Variants in SYCE1 observed in about 807,000 individuals in gnomAD.
SYCE1 encodes the protein synaptonemal complex central element protein 1.
SYCE1 carries 37 observed loss-of-function variants against 55.1 expected under a neutral mutation model. That is an observed-to-expected ratio of 0.67 (90% CI 0.52 to 0.88). The LOEUF (loss-of-function observed/expected upper bound fraction) is 0.88, where lower values mean the gene tolerates loss of function less well. Ranked by LOEUF, SYCE1 falls within the 40% of genes least tolerant of loss-of-function variation. The pLI is 0.00. For missense variants in SYCE1, 399 were observed against 416.4 expected (o/e 0.96, Z 0.36); for synonymous variants, 163 against 159.4 (o/e 1.02, Z -0.17).
chr10:133,557,107 A>G lies in SYCE1; in HGVS notation c.424T>C (p.Leu142=). 6.2e-7 allele frequency: 1 copy of G among 1,614,118 alleles called. No homozygotes were observed. The highest frequency in any genetic ancestry group is 8.5e-7 in the Non-Finnish European group (1 of 1,180,024). The change falls in exon 7 of 13, where the codon TTG becomes CTG. Residue 142 remains leucine (L), a synonymous_variant. Transcript: ENST00000343131. ...ECKERISALN[L]QIEEEKNKQR... ...TTGTTCTTCTCTTCTTCAATCTGCA[A>G]GTTCAGGGCAGAAATTCTCTCCTTG... is the stretch of plus-strand genomic sequence containing the variant.
intron 11 of SYCE1, 25 bp downstream of exon 11, chr10:133,555,572 G>A (rs1851646443): frequency 6.2e-7 from 1 of 1,601,986 alleles, no homozygotes. Flanking sequence ...GGTGGGGGTT[G>A]CGGGGACAGG....
chr10:133,568,126 G>T (rs142856797), upstream of SYCE1: 9 of 794,930 alleles, frequency 1.1e-5, no homozygotes, highest in Non-Finnish European at 4.2e-6. Context: ...CACTGAGGGC[G>T]CCACCCAGCC....
chr10:133,559,275 C>G, intron 3 of SYCE1, 26 bp downstream of exon 3: 2 of 1,613,444 alleles, frequency 1.2e-6, no homozygotes, highest in Non-Finnish European at 1.7e-6. Flanking sequence ...CTGGTCCTAG[C>G]TGGCAGCCAA....
chr10:133,559,780 G>T, intron 2 of SYCE1: 3 of 439,096 alleles, frequency 6.8e-6, no homozygotes, highest in Non-Finnish European at 1.2e-5. Flanking sequence ...AGAGGGAGTA[G>T]CGGGTGAGGG....
chr10:133,556,648 C>T, intron 8 of SYCE1, 111 bp downstream of exon 8: 1 of 1,125,794 alleles, frequency 8.9e-7, no homozygotes, highest in Non-Finnish European at 1.3e-6. Flanking sequence ...TTAGCACCAC[C>T]AGGGCTTGCT....
intron 8 of SYCE1, 179 bp from the exon 9 acceptor site, chr10:133,556,226 T>G (rs575770385): frequency 7.6e-6 from 5 of 654,756 alleles, no homozygotes; most frequent in East Asian, 2.7e-5. Context: ...TCCCTCCCTG[T>G]GCACTTCTGT....
In SYCE1 at chr10:133,555,669, A is replaced by C; in HGVS notation, c.758T>G (p.Leu253Arg). Reference protein sequence around the residue: ...FQEEHRKAEELLAAAAQRHQQ... With the variant: ...FQEEHRKAEERLAAAAQRHQQ... ...GTGGCGCTGGGCAGCAGCTGCTAGG[A>C]GCTCCTCAGCCTTCCTGTGCTCTTC... The change falls in exon 11 of 13, where the codon CTC (leucine) becomes CGC (arginine). Residue 253 changes from leucine (L) to arginine (R), a missense_variant. Coordinates refer to ENST00000343131, the MANE Select transcript of SYCE1 (RefSeq NM_001143764.3). 1.2e-6 allele frequency: 2 copies of C among 1,604,622 alleles called. No homozygotes were observed. The highest frequency in any genetic ancestry group is 1.7e-6 in the Non-Finnish European group (2 of 1,179,944).
chr10:133,557,250 T>C, intron 6 of SYCE1, 94 bp from the exon 7 acceptor site: 1 of 1,012,716 alleles, frequency 9.9e-7, no homozygotes, highest in South Asian at 1.3e-5. Context: ...AGGCTATTTT[T>C]TCCCTCTACA....
At chr10:133,560,995 C>T (rs1851803910) in intron 1 of SYCE1, 1 of 152,176 alleles carries the variant, frequency 6.6e-6, no homozygotes, top group Non-Finnish European at 1.5e-5. Context: ...AACCCCCCTG[C>T]TTCAAGTTGT....
chr10:133,555,346 C>T lies in SYCE1; in HGVS notation c.918+5G>A. The T allele has an allele frequency of 6.2e-7, 1 of 1,613,894 alleles. No homozygotes were observed. Among genetic ancestry groups the T allele is most frequent in the Non-Finnish European group, 8.5e-7 (1 of 1,179,906 alleles). On this transcript the variant is annotated splice_donor_5th_base_variant and intron_variant, in intron 12 of 12. Coordinates refer to ENST00000343131, the MANE Select transcript of SYCE1 (RefSeq NM_001143764.3). ...TGTTCCCTGACGCCCACTTCTGGGG[C>T]TTACCACATCTCCTGGGCCAGCCTC...
chr10:133,557,375 T>G (rs1851711291), intron 6 of SYCE1: 2 of 574,672 alleles, frequency 3.5e-6, no homozygotes, highest in South Asian at 4.4e-5. Flanking sequence ...AGTGAGCAAA[T>G]GCACACACAT....
At chr10:133,565,071 G>A (rs1054186834) in intron 1 of SYCE1, among the ~76,000 whole-genome samples, 1 of 152,316 alleles carries the variant, frequency 6.6e-6, no homozygotes, top group African/African-American at 2.4e-5. Context: ...TAGTGCGACT[G>A]GGAAATCTGG....
chr10:133,559,277 G>C (rs775346058), intron 3 of SYCE1, 24 bp downstream of exon 3: 26 of 1,613,308 alleles, frequency 1.6e-5, no homozygotes, highest in Non-Finnish European at 2.1e-5. Context: ...GGTCCTAGCT[G>C]GCAGCCAAGG....
At chr10:133,568,006 C>T, upstream of SYCE1, 1 of 600,072 alleles carries the variant, frequency 1.7e-6, no homozygotes, top group Non-Finnish European at 3.1e-6. Context: ...AGACTGTGGG[C>T]AAGGGAGGAA....
chr10:133,556,195 C>T (rs1358178967), intron 8 of SYCE1, 148 bp from the exon 9 acceptor site: 1 of 860,634 alleles, frequency 1.2e-6, no homozygotes, highest in Non-Finnish European at 1.8e-6. Context: ...AGTACAGCCT[C>T]AGGGCCATGG....
chr10:133,556,714 C>T, intron 8 of SYCE1, 45 bp downstream of exon 8: 2 of 1,545,876 alleles, frequency 1.3e-6, no homozygotes, highest in Non-Finnish European at 1.8e-6. Context: ...CCTGGTGCTG[C>T]TAGGGAAGAT....
downstream of SYCE1, chr10:133,554,552 C>A: frequency 1.5e-6 from 1 of 649,982 alleles, no homozygotes; most frequent in Non-Finnish European, 2.8e-6. Context: ...ATTTTGTGTT[C>A]TTGAGAGCAC....
chr10:133,554,421 CA>C, downstream of SYCE1: 1 of 1,129,844 alleles, frequency 8.9e-7, no homozygotes. Context: ...TTGATTGGGT[CA>C]ACGCATTTCA....
chr10:133,565,366 C>G, intron 1 of SYCE1, 91 bp downstream of exon 1: 2 of 1,204,672 alleles, frequency 1.7e-6, no homozygotes, highest in African/African-American at 1.6e-5. Context: ...TCAGGACTGA[C>G]AGGAAGAAGC....
Sources: allele counts gnomAD v4.1 joint callset (sites outside exome capture counted in the v4.1 genomes callset), GRCh38; gene constraint gnomAD v4.1.1; transcripts MANE v1.5; gene names NCBI Gene and HGNC (gene_info 2026-07-23, HGNC 2026-07-21).